Variants in ITPR1 observed in about 807,000 individuals in gnomAD.
ITPR1 encodes the protein inositol 1,4,5-trisphosphate-gated calcium channel ITPR1.
Under a neutral mutation model 318.4 loss-of-function variants are expected in ITPR1, and 96 were observed. That is an observed-to-expected ratio of 0.30 (90% CI 0.26 to 0.36). ITPR1 has a LOEUF of 0.36. Ranked by LOEUF, ITPR1 falls within the 10% of genes least tolerant of loss-of-function variation. The probability of loss-of-function intolerance (pLI) is 1.00; values close to 1 mark genes in which losing one functional copy is unlikely to be tolerated. For missense variants in ITPR1, 2,440 were observed against 3,460.2 expected, an observed-to-expected ratio of 0.71 and a Z score of 7.40; for synonymous variants, 1,312 against 1,289.9, an observed-to-expected ratio of 1.02 and a Z score of -0.37.
chr3:4,524,365 C>T (rs969252304), intron 4 of ITPR1, among the ~76,000 whole-genome samples: 1 of 117,188 alleles, frequency 8.5e-6, no homozygotes. Context: ...GAAGCAATTG[C>T]TGCGTTTCCA....
At chr3:4,771,886 G>T (rs999060662) in intron 46 of ITPR1, among the ~76,000 whole-genome samples, 4 of 152,154 alleles carry the variant, frequency 2.6e-5, no homozygotes, top group African/African-American at 9.7e-5. Context: ...GAGCAAAGCT[G>T]CTCTGTTCGG....
Position 4,568,737 on chromosome 3 carries a change from G to A in ITPR1, c.163+47643G>A, listed in dbSNP as rs180904203. 1.7e-3 allele frequency among the ~76,000 whole-genome samples: 261 copies of A among 152,278 alleles called. 1 individual carries two copies. Among genetic ancestry groups the A allele is most frequent in the Non-Finnish European group, 3.0e-3 (201 of 68,018 alleles). ...GAATAGAGGGAGCCAGGTGTCAGGC[G>A]GATATGGTTCCAGATGAGGCTGAAA... On this transcript the variant is annotated intron_variant, in intron 4 of 61. Coordinates refer to ENST00000649015, the MANE Select transcript of ITPR1 (RefSeq NM_001378452.1).
chr3:4,598,912 A>C (rs538152413), intron 4 of ITPR1, among the ~76,000 whole-genome samples: 1 of 152,004 alleles, frequency 6.6e-6, no homozygotes, highest in Non-Finnish European at 1.5e-5. Flanking sequence ...CACAGTGGCC[A>C]TATCCACTAT....
chr3:4,675,372 G>A lies in ITPR1; in HGVS notation c.2779+124G>A, dbSNP rs114142084. 3.7e-3 allele frequency: 2,502 copies of A among 678,122 alleles called. 6 individuals carry two copies. Among genetic ancestry groups the A allele is most frequent in the Middle Eastern group, 0.011 (42 of 3,680 alleles). 42.0% of individuals were successfully genotyped at this position (678,122 alleles called of 1,614,324 possible). ...GTTCATTCCTTCCCAACTTTTCATC[G>A]TGAACATTTTCAAATACTGTGTAAA... On this transcript the variant is annotated intron_variant, in intron 23 of 61. Transcript: ENST00000649015.
intron 55 of ITPR1, among the ~76,000 whole-genome samples, chr3:4,809,774 G>A (rs948987794): frequency 2.0e-5 from 3 of 152,190 alleles, no homozygotes; most frequent in Non-Finnish European, 4.4e-5. Flanking sequence ...TGTAATCTCT[G>A]CGGTCCTTAA....
intron 4 of ITPR1, among the ~76,000 whole-genome samples, chr3:4,554,020 G>A (rs548149193): frequency 3.9e-5 from 6 of 152,322 alleles, no homozygotes; most frequent in African/African-American, 1.4e-4. Context: ...TCGGATTACA[G>A]GTGTGAGCCA....
Position 4,533,364 on chromosome 3 carries a change from C to A in ITPR1, c.163+12270C>A, listed in dbSNP as rs139260167. On this transcript the variant is annotated intron_variant, in intron 4 of 61. Transcript: ENST00000649015. Reference sequence around the variant, plus strand: ...TCAGTCATGGGTTCAAGTCCCTGCCCTGCTCTTACTAGTTATATGACCACA... The same window carrying A: ...TCAGTCATGGGTTCAAGTCCCTGCCATGCTCTTACTAGTTATATGACCACA... Among the ~76,000 whole-genome samples, 17 of 152,262 alleles carry A rather than the reference C, an allele frequency of 1.1e-4. No individual in the cohort carries two copies. In the East Asian group the frequency reaches 2.9e-3, roughly 26 times the overall value.
At chr3:4,785,431 T>C (rs1223180223) in intron 51 of ITPR1, among the ~76,000 whole-genome samples, 2 of 152,242 alleles carry the variant, frequency 1.3e-5, no homozygotes, top group Non-Finnish European at 2.9e-5. Flanking sequence ...ATGGACAGAC[T>C]CCTTTGGGCA....
chr3:4,612,148 GTC>G (rs1480217449), intron 4 of ITPR1, among the ~76,000 whole-genome samples: 1 of 133,846 alleles, frequency 7.5e-6, no homozygotes, highest in African/African-American at 2.8e-5. Flanking sequence ...TGCAAGCTCT[GTC>G]TCTTGTGTTC....
At chr3:4,725,498 C>T (rs1458965167) in intron 40 of ITPR1, 48 bp from the exon 41 acceptor site, 36 of 1,523,892 alleles carry the variant, frequency 2.4e-5, no homozygotes, top group Admixed American at 1.0e-4. Flanking sequence ...CTGTGGCCCA[C>T]GAGATGCAAG....
At chr3:4,832,950 C>T (rs1386399437) in intron 60 of ITPR1, among the ~76,000 whole-genome samples, 1 of 152,202 alleles carries the variant, frequency 6.6e-6, no homozygotes, top group Non-Finnish European at 1.5e-5. Context: ...TTTAGACACT[C>T]ACCCTTGGAG....
chr3:4,818,310 C>A, intron 60 of ITPR1, 68 bp downstream of exon 60: 1 of 1,299,080 alleles, frequency 7.7e-7, no homozygotes. Context: ...AAGGCCCCAG[C>A]AGCCCATCGG....
At chr3:4,557,877 G>T (rs780603313) in intron 4 of ITPR1, among the ~76,000 whole-genome samples, 2 of 151,996 alleles carry the variant, frequency 1.3e-5, no homozygotes, top group African/African-American at 4.8e-5. Flanking sequence ...TTATTTTAGC[G>T]CTCACTATAA....
intron 49 of ITPR1, 147 bp from the exon 50 acceptor site, chr3:4,782,472 T>G: frequency 2.9e-6 from 2 of 678,626 alleles, no homozygotes; most frequent in South Asian, 3.0e-5. Flanking sequence ...TCATGAAGGA[T>G]TCTGAGGCTG....
intron 61 of ITPR1, among the ~76,000 whole-genome samples, chr3:4,840,788 T>C (rs2051286712): frequency 6.6e-6 from 1 of 152,200 alleles, no homozygotes; most frequent in African/African-American, 2.4e-5. Flanking sequence ...ACATTCTTAT[T>C]CCAAGGAGGA....
At chr3:4,801,666 A>G (rs2048239799) in intron 54 of ITPR1, among the ~76,000 whole-genome samples, 1 of 152,166 alleles carries the variant, frequency 6.6e-6, no homozygotes, top group Admixed American at 6.6e-5. Flanking sequence ...CGGGAGACTG[A>G]GGCAGGAGAA....
intron 4 of ITPR1, among the ~76,000 whole-genome samples, chr3:4,551,797 A>G (rs758099021): frequency 1.3e-5 from 2 of 152,264 alleles, no homozygotes; most frequent in Admixed American, 6.5e-5. Flanking sequence ...CTTAAGTTAT[A>G]TAGCTGGTAA....
intron 4 of ITPR1, among the ~76,000 whole-genome samples, chr3:4,525,438 G>A (rs992243491): frequency 6.6e-6 from 1 of 152,112 alleles, no homozygotes; most frequent in Non-Finnish European, 1.5e-5. Flanking sequence ...CATTTCCAAA[G>A]TGAATTGCTT....
chr3:4,539,822 G>A (rs1335896043), intron 4 of ITPR1, among the ~76,000 whole-genome samples: 4 of 152,076 alleles, frequency 2.6e-5, no homozygotes. Flanking sequence ...GTGCTGCCGA[G>A]GGACTCTTTA....
Sources: allele counts gnomAD v4.1 joint callset (sites outside exome capture counted in the v4.1 genomes callset), GRCh38; gene constraint gnomAD v4.1.1; transcripts MANE v1.5; gene names NCBI Gene and HGNC (gene_info 2026-07-23, HGNC 2026-07-21).